The following COL21A1 variants were observed in gnomAD, a reference collection of about 807,000 sequenced individuals.
COL21A1 encodes collagen alpha-1(XXI) chain.
In COL21A1, 149 loss-of-function variants were observed where a neutral mutation model predicts 137.9. The observed-to-expected ratio is 1.08, with a 90% CI of 0.95 to 1.24. The LOEUF (loss-of-function observed/expected upper bound fraction) is 1.24. COL21A1 is among the 50% of genes most tolerant of loss of function. COL21A1 has a pLI of 0.00. For missense variants in COL21A1, 1,167 were observed against 1,158.4 expected, an observed-to-expected ratio of 1.01 and a Z score of -0.11; for synonymous variants, 456 against 391.5, an observed-to-expected ratio of 1.16 and a Z score of -1.95.
intron 2 of COL21A1, among the ~76,000 whole-genome samples, 194 bp from the exon 3 acceptor site, chr6:56,180,323 AAAC>A (rs1462789845): frequency 6.6e-6 from 1 of 152,224 alleles, no homozygotes; most frequent in Non-Finnish European, 1.5e-5. Flanking sequence ...AAAAAATTAA[AAAC>A]AAATTTTCTA....
intron 10 of COL21A1, among the ~76,000 whole-genome samples, chr6:56,151,657 G>A (rs759323356): frequency 6.6e-6 from 1 of 152,188 alleles, no homozygotes; most frequent in Non-Finnish European, 1.5e-5. Flanking sequence ...GTTATAATGT[G>A]TGAAAGAGAT....
At chr6:56,264,845 T>G (rs1763359462) in intron 1 of COL21A1, among the ~76,000 whole-genome samples, 3 of 152,326 alleles carry the variant, frequency 2.0e-5, no homozygotes, top group South Asian at 4.1e-4. Context: ...ACCATCACCA[T>G]CAACTAAGTC....
chr6:56,132,806 T>A (rs1426904362), intron 12 of COL21A1, among the ~76,000 whole-genome samples: 1 of 152,114 alleles, frequency 6.6e-6, no homozygotes, highest in Admixed American at 6.5e-5. Context: ...AGTGAATATG[T>A]CTCATAAGAT....
chr6:56,165,908 A>T (rs1325750095), intron 7 of COL21A1, among the ~76,000 whole-genome samples: 2 of 33,724 alleles, frequency 5.9e-5, no homozygotes, highest in African/African-American at 5.0e-4. Flanking sequence ...GGGATTGATT[A>T]CACACACACA....
At chr6:56,129,884 C>A (rs913154937) in intron 12 of COL21A1, among the ~76,000 whole-genome samples, 1 of 151,296 alleles carries the variant, frequency 6.6e-6, no homozygotes, top group Admixed American at 6.6e-5. Flanking sequence ...ACTGGGTATT[C>A]TTTCCCCTAC....
chr6:56,082,645 G>A lies in COL21A1; in HGVS notation c.1813-5072C>T, dbSNP rs146307485. 8.1e-3 allele frequency among the ~76,000 whole-genome samples: 1,205 copies of A among 149,644 alleles called. 55 individuals carry two copies. The highest frequency in any genetic ancestry group is 0.07 in the Admixed American group (1,054 of 15,026). ...AAGTTAAATCTTTTCCAGAGAAACC[G>A]GAAAATTCTACTATTTTTTTTGAAT... On this transcript the variant is annotated intron_variant, in intron 17 of 29. Transcript: ENST00000244728.
intron 16 of COL21A1, among the ~76,000 whole-genome samples, chr6:56,111,078 T>C (rs1315179107): frequency 1.3e-5 from 2 of 151,376 alleles, no homozygotes; most frequent in African/African-American, 2.4e-5. Flanking sequence ...ATATCACCAA[T>C]GAATTTTCAT....
chr6:56,342,465 A>G (rs548498901), intron 1 of COL21A1, among the ~76,000 whole-genome samples: 2 of 152,198 alleles, frequency 1.3e-5, no homozygotes, highest in Non-Finnish European at 2.9e-5. Context: ...GGAGTGGGCA[A>G]AGGGATTGCA....
rs1562189026 is a variant in COL21A1, at chr6:56,097,981, AT to A, written c.1812+3490del. Among the ~76,000 whole-genome samples, 225 of 69,342 alleles carry A rather than the reference AT, an allele frequency of 3.2e-3. 4 individuals are homozygous for A. The highest frequency in any genetic ancestry group is 0.014 in the East Asian group (31 of 2,284). The allele number at this position is 69,342 out of a possible 152,430, so 45.5% of individuals were successfully genotyped here. ...AATATATATAAATATATAAATATAT[AT>A]AAATATATATGTAAATATATAAATA... On this transcript the variant is annotated intron_variant, in intron 17 of 29. Transcript: ENST00000244728.
At chr6:56,218,399 G>T (rs1023185813) in intron 1 of COL21A1, among the ~76,000 whole-genome samples, 1 of 151,828 alleles carries the variant, frequency 6.6e-6, no homozygotes, top group Non-Finnish European at 1.5e-5. Flanking sequence ...AAATCAAAAG[G>T]TGCTCTTTAA....
intron 1 of COL21A1, among the ~76,000 whole-genome samples, chr6:56,192,844 C>T (rs1270982036): frequency 6.6e-6 from 1 of 152,150 alleles, no homozygotes; most frequent in Non-Finnish European, 1.5e-5. Flanking sequence ...ATAAATCATT[C>T]TACTGTAGGT....
intron 1 of COL21A1, among the ~76,000 whole-genome samples, chr6:56,343,927 C>A (rs1238901850): frequency 6.6e-6 from 1 of 152,086 alleles, no homozygotes; most frequent in African/African-American, 2.4e-5. Flanking sequence ...GCCTGGGTGA[C>A]AAAGAAAGAC....
chr6:56,072,036 T>C (rs1292070269), intron 20 of COL21A1, among the ~76,000 whole-genome samples: 3 of 151,594 alleles, frequency 2.0e-5, no homozygotes, highest in African/African-American at 4.8e-5. Flanking sequence ...TGTGTTCTGA[T>C]TGTTCAGCTC....
intron 1 of COL21A1, among the ~76,000 whole-genome samples, chr6:56,293,214 A>G (rs1764092585): frequency 6.6e-6 from 1 of 152,190 alleles, no homozygotes; most frequent in African/African-American, 2.4e-5. Flanking sequence ...AAAATTAAGT[A>G]ATGTAAAAAG....
chr6:56,098,814 C>G (rs1770138080), intron 17 of COL21A1, among the ~76,000 whole-genome samples: 1 of 144,934 alleles, frequency 6.9e-6, no homozygotes, highest in Admixed American at 7.5e-5. Context: ...CTCCCAGGTT[C>G]AAGCGATTCT....
chr6:56,166,888 AC>A lies in COL21A1; in HGVS notation c.1278+17del. The A allele has an allele frequency of 6.3e-7, 1 of 1,599,988 alleles. No individual in the cohort carries two copies. Among genetic ancestry groups the A allele is most frequent in the Non-Finnish European group, 8.5e-7 (1 of 1,169,690 alleles). The stretch of plus-strand genomic sequence containing the variant: ...TACTAAAGCAACATCTGGGAAAAAA[AC>A]AATCCCTCCTACTTACAAATCCAGG... On this transcript the variant is annotated intron_variant, in intron 7 of 29. Transcript: ENST00000244728.
At chr6:56,139,814 T>C (rs1343804447) in intron 12 of COL21A1, among the ~76,000 whole-genome samples, 2 of 152,240 alleles carry the variant, frequency 1.3e-5, no homozygotes, top group East Asian at 1.9e-4. Flanking sequence ...ACCCATCACA[T>C]GGTGCTCCGG....
At chr6:56,107,526 G>T (rs1230101842) in intron 16 of COL21A1, among the ~76,000 whole-genome samples, 3 of 151,912 alleles carry the variant, frequency 2.0e-5, no homozygotes, top group East Asian at 1.9e-4. Context: ...ATGCAAAATT[G>T]TTTTTGTTTT....
intron 1 of COL21A1, among the ~76,000 whole-genome samples, chr6:56,239,895 C>G (rs558939489): frequency 1.1e-4 from 16 of 152,124 alleles, no homozygotes; most frequent in Non-Finnish European, 1.8e-4. Context: ...GTGTCCCACC[C>G]AAATCTCATC....
Sources: gnomAD v4.1 joint callset for allele counts (sites outside exome capture counted in the v4.1 genomes callset) on GRCh38, gnomAD v4.1.1 for gene constraint, MANE v1.5 for transcripts, NCBI Gene and HGNC (gene_info 2026-07-23, HGNC 2026-07-21) for gene names.